CPED1: variants seen among roughly 807,000 people sequenced by gnomAD.
CPED1 encodes cadherin-like and PC-esterase domain-containing protein 1.
A neutral mutation model predicts 128.2 loss-of-function variants in CPED1; 114 were observed. That is an observed-to-expected ratio of 0.89 (90% confidence interval 0.76 to 1.04). The LOEUF is 1.04. Among genes scored for constraint, CPED1 ranks in the 50% least tolerant of loss-of-function variants. CPED1 has a pLI of 0.00. For missense variants in CPED1, 1,211 were observed against 1,207.1 expected, an observed-to-expected ratio of 1.00 and a Z score of -0.05; for synonymous variants, 462 against 426.7, an observed-to-expected ratio of 1.08 and a Z score of -1.02.
chr7:121,170,741 T>C (rs1184764725), intron 16 of CPED1, among the ~76,000 whole-genome samples: 1 of 152,234 alleles, frequency 6.6e-6, no homozygotes, highest in East Asian at 1.9e-4. Flanking sequence ...AGAAATGAGT[T>C]TCTATCCTTT....
intron 13 of CPED1, 115 bp from the exon 14 acceptor site, chr7:121,135,925 A>G (rs1320691921): frequency 1.2e-5 from 9 of 735,878 alleles, no homozygotes; most frequent in Non-Finnish European, 1.8e-5. Flanking sequence ...GTTCACTAGT[A>G]TAATAAAAGT....
intron 3 of CPED1, among the ~76,000 whole-genome samples, chr7:121,039,738 TA>T (rs1380783799): frequency 6.6e-6 from 1 of 152,010 alleles, no homozygotes; most frequent in African/African-American, 2.4e-5. Context: ...AAAAATCATT[TA>T]AAAAAACTAG....
intron 16 of CPED1, among the ~76,000 whole-genome samples, chr7:121,143,230 T>C (rs530179979): frequency 6.6e-6 from 1 of 152,008 alleles, no homozygotes; most frequent in African/African-American, 2.4e-5. Flanking sequence ...AAGAGTAGAA[T>C]ACAGTTCCAT....
chr7:121,235,077 G>A (rs1307775865), intron 16 of CPED1, among the ~76,000 whole-genome samples: 1 of 151,866 alleles, frequency 6.6e-6, no homozygotes, highest in Non-Finnish European at 1.5e-5. Context: ...GCTTCTCATT[G>A]CTCCCTCTAA....
chr7:121,091,352 A>G (rs1794568353), intron 5 of CPED1, among the ~76,000 whole-genome samples: 1 of 152,228 alleles, frequency 6.6e-6, no homozygotes, highest in African/African-American at 2.4e-5. Context: ...CAGGCCATGT[A>G]TAAGTAAAGA....
chr7:121,164,344 G>A (rs1480633467), intron 16 of CPED1, among the ~76,000 whole-genome samples: 4 of 152,192 alleles, frequency 2.6e-5, no homozygotes, highest in African/African-American at 9.6e-5. Flanking sequence ...GAGCAATGTA[G>A]CAACTGAGGA....
chr7:121,204,214 T>A (rs560871077), intron 16 of CPED1, among the ~76,000 whole-genome samples: 2 of 152,204 alleles, frequency 1.3e-5, no homozygotes, highest in South Asian at 4.1e-4. Context: ...TTAAAAAAAA[T>A]TATATCCTTT....
At chr7:121,004,331 G>T (rs1791949264) in intron 2 of CPED1, among the ~76,000 whole-genome samples, 2 of 152,300 alleles carry the variant, frequency 1.3e-5, no homozygotes, top group African/African-American at 2.4e-5. Context: ...CCTCCAGGGG[G>T]TATAAATGTG....
intron 4 of CPED1, among the ~76,000 whole-genome samples, chr7:121,063,433 C>T (rs1294256987): frequency 6.8e-6 from 1 of 147,202 alleles, no homozygotes; most frequent in South Asian, 2.2e-4. Flanking sequence ...GTGCCCGAAG[C>T]GAGCTACCAC....
chr7:121,160,293 G>A (rs1796384925), intron 16 of CPED1, among the ~76,000 whole-genome samples: 1 of 152,094 alleles, frequency 6.6e-6, no homozygotes, highest in Non-Finnish European at 1.5e-5. Flanking sequence ...CATGAAGGTT[G>A]TATGAGTACA....
intron 2 of CPED1, among the ~76,000 whole-genome samples, chr7:121,009,964 C>T (rs1051984474): frequency 1.1e-4 from 17 of 152,196 alleles, no homozygotes; most frequent in Non-Finnish European, 2.5e-4. Context: ...TAAGCTCATA[C>T]TTTACATTTA....
intron 7 of CPED1, among the ~76,000 whole-genome samples, chr7:121,103,827 A>G (rs545529389): frequency 5.1e-4 from 77 of 152,216 alleles, no homozygotes; most frequent in African/African-American, 1.8e-3. Flanking sequence ...TCTGGCAGCT[A>G]AAGAAGGTAT....
chr7:121,237,950 A>C (rs1798297969), intron 17 of CPED1, among the ~76,000 whole-genome samples: 1 of 152,200 alleles, frequency 6.6e-6, no homozygotes, highest in African/African-American at 2.4e-5. Context: ...ATTCTCTGCT[A>C]AATGAGATAT....
chr7:121,116,139 T>C (rs1795229766), intron 7 of CPED1, among the ~76,000 whole-genome samples: 1 of 152,210 alleles, frequency 6.6e-6, no homozygotes, highest in South Asian at 2.1e-4. Context: ...TTTTCAGCTA[T>C]GAAACTGATT....
intron 18 of CPED1, among the ~76,000 whole-genome samples, chr7:121,255,746 G>A (rs1235451461): frequency 1.3e-5 from 2 of 151,960 alleles, no homozygotes; most frequent in Non-Finnish European, 2.9e-5. Flanking sequence ...AAACTCAGTA[G>A]CATTTCTATA....
intron 18 of CPED1, among the ~76,000 whole-genome samples, chr7:121,258,565 A>G (rs933532101): frequency 1.3e-5 from 2 of 152,076 alleles, no homozygotes; most frequent in African/African-American, 2.4e-5. Context: ...TACTCTGAGA[A>G]TCCTATCACT....
intron 7 of CPED1, among the ~76,000 whole-genome samples, chr7:121,109,798 T>C (rs1795062070): frequency 6.6e-6 from 1 of 152,194 alleles, no homozygotes; most frequent in Non-Finnish European, 1.5e-5. Flanking sequence ...AGAGAAATCA[T>C]TACTTTAAAC....
At chr7:121,087,956 G>T (rs894793831) in intron 5 of CPED1, among the ~76,000 whole-genome samples, 2 of 151,916 alleles carry the variant, frequency 1.3e-5, no homozygotes, top group Non-Finnish European at 1.5e-5. Flanking sequence ...CACCATGCCT[G>T]GCCCAAGCTC....
rs891170447 is a variant in CPED1, at chr7:121,266,341, G to A, written c.2425G>A (p.Val809Ile). 28 of 1,612,968 alleles carry A rather than the reference G, an allele frequency of 1.7e-5. No homozygotes were observed. Among genetic ancestry groups the A allele is most frequent in the African/African-American group, 2.7e-5 (2 of 74,802 alleles). The change falls in exon 19 of 23, where the codon GTC (valine) becomes ATC (isoleucine). Residue 809 changes from valine to isoleucine, a missense_variant. By Grantham distance (29) the Val-to-Ile change is conservative. Coordinates refer to ENST00000310396, the MANE Select transcript of CPED1 (RefSeq NM_024913.5). ...ACATGGCACTAAATTCTATCACAACGTCAATGGTGGGAAGACTTTGATCAG... is the reference window on the plus strand; with the variant it reads ...ACATGGCACTAAATTCTATCACAACATCAATGGTGGGAAGACTTTGATCAG... ...KVHGTKFYHN[V>I]NGGKTLISYS...
Sources: allele counts gnomAD v4.1 joint callset (sites outside exome capture counted in the v4.1 genomes callset), GRCh38; gene constraint gnomAD v4.1.1; transcripts MANE v1.5; gene names NCBI Gene and HGNC (gene_info 2026-07-23, HGNC 2026-07-21).